The following HECTD4 variants were observed in gnomAD, a reference collection of about 807,000 sequenced individuals.
HECTD4 encodes the protein HECT domain E3 ubiquitin protein ligase 4.
HECTD4 carries 114 observed loss-of-function variants against 471.5 expected under a neutral mutation model. That is an observed-to-expected ratio of 0.24 (90% CI 0.21 to 0.28). The LOEUF (loss-of-function observed/expected upper bound fraction) is 0.28. Ranked by LOEUF, HECTD4 falls within the 10% of genes least tolerant of loss-of-function variation. The probability of loss-of-function intolerance (pLI) is 1.00; values close to 1 mark genes in which losing one functional copy is unlikely to be tolerated. For synonymous variants in HECTD4, 2,012 were observed against 2,256.0 expected (o/e 0.89, Z 3.07); for missense variants, 3,866 against 5,651.5 (o/e 0.68, Z 10.13).
In HECTD4 at chr12:112,200,684, T is replaced by C. The variant is rs756329271; in HGVS notation, c.8521A>G (p.Thr2841Ala). 6 of 1,613,890 alleles carry C rather than the reference T, an allele frequency of 3.7e-6. 1 individual carries two copies. The highest frequency in any genetic ancestry group is 5.1e-6 in the Non-Finnish European group (6 of 1,179,880). The stretch of plus-strand genomic sequence containing the variant: ...TTGTCCAGTGTGACCAGCCCATTGG[T>C]GGCAGTCCTTCGGTAGCCTGCTGGG... ...RPPAGYRRTA[T>A]NGLVTLDNTN... Residue 2841 changes from threonine (T) to alanine (A), a missense_variant, in exon 55 of 76, where the codon ACC (threonine) becomes GCC (alanine). Physicochemically the swap from Thr to Ala is moderately conservative, Grantham distance 58. Around this residue, in one of 16 missense-constraint regions of HECTD4, gnomAD observed 266 missense variants for 441.6 expected, o/e 0.60. Transcript: ENST00000682272.
intron 7 of HECTD4, among the ~76,000 whole-genome samples, chr12:112,286,810 AT>A (rs1328062792): frequency 6.6e-6 from 1 of 152,190 alleles, no homozygotes; most frequent in Admixed American, 6.5e-5. Flanking sequence ...ACAAGGGCCA[AT>A]GTCTGCTGAC....
chr12:112,200,884 C>CGTGCGT lies in HECTD4; in HGVS notation c.8407-87_8407-86insACGCAC, dbSNP rs375072572. ...GCGTGCGTGTGTGTGTGCGTGCGTG[C>CGTGCGT]GTGTGTGTGTGTGTGTGTGTGTGTG... On this transcript the variant is annotated intron_variant, in intron 54 of 75. Coordinates refer to ENST00000682272, the MANE Select transcript of HECTD4 (RefSeq NM_001388303.1). 152 of 698,748 alleles carry CGTGCGT rather than the reference C, an allele frequency of 2.2e-4. No homozygotes were observed. In the East Asian group the frequency reaches 3.9e-3, roughly 18 times the overall value. 43.3% of individuals were successfully genotyped at this position (698,748 alleles called of 1,614,324 possible).
intron 2 of HECTD4, among the ~76,000 whole-genome samples, chr12:112,318,785 C>T (rs1290561141): frequency 7.2e-5 from 11 of 152,254 alleles, no homozygotes; most frequent in Middle Eastern, 3.4e-3. Flanking sequence ...TGACTGAGTC[C>T]AGGTGAATAA....
At position 112,382,393 on chromosome 12, in the gene HECTD4, A is replaced by G; in HGVS notation, c.-265T>C. ...GCAGGATCCGCCTCTGCCGCTCGGCAACCAACTGTCAGTGAGACGCCATGT... is the reference window on the plus strand; with the variant it reads ...GCAGGATCCGCCTCTGCCGCTCGGCGACCAACTGTCAGTGAGACGCCATGT... On this transcript the variant is annotated 5_prime_UTR_variant, in exon 1 of 76. Coordinates refer to ENST00000682272, the MANE Select transcript of HECTD4 (RefSeq NM_001388303.1). The G allele has an allele frequency of 3.0e-6, 1 of 332,150 alleles. No individual in the cohort carries two copies. The highest frequency in any genetic ancestry group is 5.3e-6 in the Non-Finnish European group (1 of 188,276). The allele number at this position is 332,150 out of a possible 1,614,324, so 20.6% of individuals were successfully genotyped here.
At position 112,235,592 on chromosome 12, in the gene HECTD4, G is replaced by A. The variant is rs2033481511; in HGVS notation, c.5637C>T (p.Ser1879=). 3.1e-6 allele frequency: 5 copies of A among 1,614,044 alleles called. No homozygotes were observed. The highest frequency in any genetic ancestry group is 3.4e-6 in the Non-Finnish European group (4 of 1,179,908). The stretch of plus-strand genomic sequence containing the variant: ...TGGGATCCTCCTGCTCACTGTTTAA[G>A]GAGGGGACAGAGTAGCTCCAGGGTG... ...ELPPWSYSVP[S]LNSEQEDPSD... The change falls in exon 36 of 76, where the codon TCC becomes TCT. Residue 1879 remains serine, a synonymous_variant. Coordinates refer to ENST00000682272, the MANE Select transcript of HECTD4 (RefSeq NM_001388303.1). This position sits in a 1 kb window ranked among gnomAD's most constrained non-coding sequence, Gnocchi z 5.0.
At position 112,265,871 on chromosome 12, in the gene HECTD4, G is replaced by T. The variant is rs754355153; in HGVS notation, c.2498+7C>A. ...AGGCTAGAAGTGAATAATATAACTG[G>T]TGTCACCTGTAATGATCATCCTCAT... is the stretch of plus-strand genomic sequence containing the variant. On this transcript the variant is annotated splice_region_variant and intron_variant, in intron 15 of 75. Coordinates refer to ENST00000682272, the MANE Select transcript of HECTD4 (RefSeq NM_001388303.1). 5.0e-6 allele frequency: 8 copies of T among 1,599,210 alleles called. No individual in the cohort carries two copies. The highest frequency in any genetic ancestry group is 6.9e-6 in the Non-Finnish European group (8 of 1,166,804).
At chr12:112,252,757 C>T (rs1039702944) in intron 22 of HECTD4, among the ~76,000 whole-genome samples, 3 of 152,026 alleles carry the variant, frequency 2.0e-5, no homozygotes, top group African/African-American at 7.3e-5. Context: ...TGAAATGGGC[C>T]ACAGTTGCCC....
chr12:112,311,527 G>A (rs1190023953), intron 4 of HECTD4, among the ~76,000 whole-genome samples: 7 of 151,156 alleles, frequency 4.6e-5, no homozygotes, highest in East Asian at 1.9e-4. Context: ...AGGTGGCTAC[G>A]GTGGAAGGAC....
rs554534351 is a variant in HECTD4 at position 112,268,999 on chromosome 12, C to T, written c.2321+705G>A. Among the ~76,000 whole-genome samples the T allele has an allele frequency of 4.0e-5, 6 of 149,428 alleles. No homozygotes were observed. In the East Asian group the frequency reaches 6.3e-4, roughly 16 times the overall value. On this transcript the variant is annotated intron_variant, in intron 13 of 75. Coordinates refer to ENST00000682272, the MANE Select transcript of HECTD4 (RefSeq NM_001388303.1). Reference sequence around the variant, plus strand: ...ACGCCATTCTCCTGCCTCAGCCTCCCGTGTAGCTGGGACTACAGGAGCGCG... The same window carrying T: ...ACGCCATTCTCCTGCCTCAGCCTCCTGTGTAGCTGGGACTACAGGAGCGCG...
At chr12:112,298,992 G>A (rs2035106526) in intron 7 of HECTD4, among the ~76,000 whole-genome samples, 1 of 152,062 alleles carries the variant, frequency 6.6e-6, no homozygotes, top group Non-Finnish European at 1.5e-5. Flanking sequence ...TAGGCAGTAA[G>A]CCAGATATCT....
intron 55 of HECTD4, among the ~76,000 whole-genome samples, chr12:112,197,335 T>A (rs999179245): frequency 3.9e-5 from 6 of 152,054 alleles, no homozygotes; most frequent in Non-Finnish European, 7.4e-5. Context: ...AAAAAAAAAA[T>A]TTGAGACAAG....
intron 1 of HECTD4, among the ~76,000 whole-genome samples, chr12:112,365,955 T>C (rs1211725408): frequency 6.6e-6 from 1 of 151,876 alleles, no homozygotes; most frequent in African/African-American, 2.4e-5. Context: ...TTTGTATTTT[T>C]AGTAGAGACC....
intron 32 of HECTD4, among the ~76,000 whole-genome samples, chr12:112,241,060 T>G (rs762433690): frequency 6.6e-6 from 1 of 152,190 alleles, no homozygotes; most frequent in Admixed American, 6.5e-5. Flanking sequence ...ACAGAACCAC[T>G]AAGAACACTA....
chr12:112,305,508 G>C lies in HECTD4; in HGVS notation c.1335+556C>G, dbSNP rs558985698. ...TTACGATTATCTCGTGCGCTTATTT[G>C]CTCACTTGTTTATGGTTAATCTTTA... On this transcript the variant is annotated intron_variant, in intron 7 of 75. Transcript: ENST00000682272. Among the ~76,000 whole-genome samples the C allele has an allele frequency of 6.6e-5, 10 of 152,052 alleles. No individual in the cohort carries two copies. In the South Asian group the frequency reaches 1.7e-3, roughly 25 times the overall value.
rs555564729 is a variant in HECTD4, at chr12:112,162,894, C to T, written c.13120+148G>A. 1.9e-4 allele frequency: 127 copies of T among 659,060 alleles called. No individual in the cohort carries two copies. The highest frequency in any genetic ancestry group is 1.0e-3 in the South Asian group (53 of 50,818). The allele number at this position is 659,060 out of a possible 1,614,324, so 40.8% of individuals were successfully genotyped here. A position where few individuals can be genotyped will look rare whatever the true frequency, so the allele number is the denominator to read the frequency against. The stretch of plus-strand genomic sequence containing the variant: ...GCAGGCCTGTATGGCTGGTTCCTGC[C>T]GGGCCCTAATCCTCAATGATGTCTG... On this transcript the variant is annotated intron_variant, in intron 75 of 75. Transcript: ENST00000682272. This position sits in a 1 kb window ranked among gnomAD's most constrained non-coding sequence, Gnocchi z 5.2.
At chr12:112,300,255 G>A (rs950887361) in intron 7 of HECTD4, among the ~76,000 whole-genome samples, 1 of 149,750 alleles carries the variant, frequency 6.7e-6, no homozygotes, top group African/African-American at 2.5e-5. Flanking sequence ...GTTGCAGTGA[G>A]CGAGATCATG....
Position 112,184,726 on chromosome 12 carries a change from T to C in HECTD4, c.10240A>G (p.Arg3414Gly). The change falls in exon 61 of 76, where the codon AGA (arginine) becomes GGA (glycine). Residue 3414 changes from arginine (R) to glycine (G), a missense_variant. By Grantham distance (125) the Arg-to-Gly change is moderately radical. Transcript: ENST00000682272. This position sits in a 1 kb window ranked among gnomAD's most constrained non-coding sequence, Gnocchi z 9.1. ...TTGCAGGCCTTGCGGATGGCGCCTCTGACTACGCCCTCGTCCAGGTGGGTG... is the reference window on the plus strand; with the variant it reads ...TTGCAGGCCTTGCGGATGGCGCCTCCGACTACGCCCTCGTCCAGGTGGGTG... Reference protein sequence around the residue: ...IPTHLDEGVVRGAIRKACNAH... With the variant: ...IPTHLDEGVVGGAIRKACNAH... 6.2e-7 allele frequency: 1 copy of C among 1,612,684 alleles called. No individual in the cohort carries two copies. Among genetic ancestry groups the C allele is most frequent in the Non-Finnish European group, 8.5e-7 (1 of 1,178,992 alleles).
intron 48 of HECTD4, among the ~76,000 whole-genome samples, chr12:112,214,103 C>T (rs2032844114): frequency 6.6e-6 from 1 of 152,054 alleles, no homozygotes; most frequent in Non-Finnish European, 1.5e-5. Flanking sequence ...CCACTAAATT[C>T]CATTATGTTT....
chr12:112,247,149 A>G lies in HECTD4; in HGVS notation c.4338-73T>C, dbSNP rs150730509. The G allele has an allele frequency of 3.0e-4, 375 of 1,249,016 alleles. 2 individuals are homozygous for G. In the African/African-American group the frequency reaches 4.7e-3, roughly 16 times the overall value. 77.4% of individuals were successfully genotyped at this position (1,249,016 alleles called of 1,614,324 possible). Reference sequence around the variant, plus strand: ...AAACAACTATTAAAAAAAAATGTTTACAAAGAATAAGAGAAGACACAGGGG... The same window carrying G: ...AAACAACTATTAAAAAAAAATGTTTGCAAAGAATAAGAGAAGACACAGGGG... On this transcript the variant is annotated intron_variant, in intron 28 of 75. Transcript: ENST00000682272.
Sources: gnomAD v4.1 joint callset for allele counts (sites outside exome capture counted in the v4.1 genomes callset) on GRCh38, gnomAD v4.1.1 for gene constraint, gnomAD v4.1.1 regional missense constraint, Gnocchi (gnomAD v3.1) non-coding constraint, MANE v1.5 for transcripts, NCBI Gene and HGNC (gene_info 2026-07-23, HGNC 2026-07-21) for gene names.